Variants in SLC17A4 observed in about 807,000 individuals in gnomAD.
SLC17A4 encodes the protein solute carrier family 17 member 4.
Under a neutral mutation model 52.5 loss-of-function variants are expected in SLC17A4, and 33 were observed. The observed-to-expected ratio is 0.63, with a 90% confidence interval of 0.48 to 0.84. The LOEUF is 0.84. Ranked by LOEUF, SLC17A4 falls within the 40% of genes least tolerant of loss-of-function variation. The pLI, the probability that SLC17A4 is intolerant of heterozygous loss-of-function variation, is 0.00. For synonymous variants in SLC17A4, 225 were observed against 216.2 expected (o/e 1.04, Z -0.36); for missense variants, 585 against 597.1 (o/e 0.98, Z 0.21).
intron 5 of SLC17A4, 98 bp from the exon 6 acceptor site, chr6:25,770,828 T>G: frequency 1.1e-6 from 1 of 936,218 alleles, no homozygotes; most frequent in Non-Finnish European, 1.7e-6. Context: ...GGCTTGAAAC[T>G]CATACCTTCA....
At chr6:25,773,454 A>C in intron 7 of SLC17A4, 59 bp from the exon 8 acceptor site, 1 of 1,612,588 alleles carries the variant, frequency 6.2e-7, no homozygotes, top group Non-Finnish European at 8.5e-7. Flanking sequence ...AGAGATGAAG[A>C]ATGTGATAGA....
chr6:25,766,590 A>G (rs753062018), intron 2 of SLC17A4, among the ~76,000 whole-genome samples: 9 of 152,162 alleles, frequency 5.9e-5, no homozygotes, highest in Non-Finnish European at 2.9e-5. Context: ...ACCAAGATCA[A>G]CTCAACAGTA....
chr6:25,756,715 G>A (rs549639582), intron 1 of SLC17A4, among the ~76,000 whole-genome samples: 14 of 152,282 alleles, frequency 9.2e-5, no homozygotes, highest in African/African-American at 3.4e-4. Context: ...GCAATTTAAT[G>A]AGAACTAAGT....
At chr6:25,760,109 T>A (rs1761405464) in intron 1 of SLC17A4, among the ~76,000 whole-genome samples, 1 of 152,206 alleles carries the variant, frequency 6.6e-6, no homozygotes, top group Admixed American at 6.5e-5. Context: ...AGCTTGGTGA[T>A]CATAGTTTTT....
chr6:25,778,905 A>T (rs951254062), intron 11 of SLC17A4, 149 bp from the exon 12 acceptor site: 6 of 926,766 alleles, frequency 6.5e-6, no homozygotes, highest in Non-Finnish European at 1.0e-5. Context: ...GCAGAAATGT[A>T]CTTGAGTATT....
chr6:25,763,777 A>G (rs375219440), intron 2 of SLC17A4, among the ~76,000 whole-genome samples: 1 of 152,198 alleles, frequency 6.6e-6, no homozygotes, highest in Non-Finnish European at 1.5e-5. Context: ...TTTCTCTATC[A>G]GTGTCAGTTA....
intron 3 of SLC17A4, 81 bp from the exon 4 acceptor site, chr6:25,769,986 A>G (rs1425944759): frequency 8.4e-7 from 1 of 1,191,674 alleles, no homozygotes; most frequent in African/African-American, 1.5e-5. Context: ...ACTGCCAATT[A>G]ATTTTTGCCT....
Position 25,780,285 on chromosome 6 carries a change from G to A in SLC17A4, c.*1097G>A, listed in dbSNP as rs149693640. On this transcript the variant is annotated 3_prime_UTR_variant, in exon 12 of 12. Coordinates refer to ENST00000377905, the MANE Select transcript of SLC17A4 (RefSeq NM_005495.3). Reference sequence around the variant, plus strand: ...AGGAGTTCAGTGTCTCGGGAGGGCAGATAACTTTAATCAAAGTATCACACA... The same window carrying A: ...AGGAGTTCAGTGTCTCGGGAGGGCAAATAACTTTAATCAAAGTATCACACA... The A allele has an allele frequency of 6.6e-6, 1 of 152,230 alleles. No individual in the cohort carries two copies. Among genetic ancestry groups the A allele is most frequent in the African/African-American group, 2.4e-5 (1 of 41,466 alleles). 9.4% of individuals were successfully genotyped at this position (152,230 alleles called of 1,614,324 possible).
Position 25,780,000 on chromosome 6 carries a change from A to T in SLC17A4, c.*812A>T, listed in dbSNP as rs1763221893. The T allele has an allele frequency of 6.6e-6, 1 of 152,194 alleles. No individual in the cohort carries two copies. Among genetic ancestry groups the T allele is most frequent in the Non-Finnish European group, 1.5e-5 (1 of 68,032 alleles). 9.4% of individuals were successfully genotyped at this position (152,194 alleles called of 1,614,324 possible). A position where few individuals can be genotyped will look rare whatever the true frequency, so the allele number is the denominator to read the frequency against. Reference sequence around the variant, plus strand: ...TCTGACTGTTGGAATCCCACGCACCATTCAGTAGGATTCAATTCAATGTGG... The same window carrying T: ...TCTGACTGTTGGAATCCCACGCACCTTTCAGTAGGATTCAATTCAATGTGG... On this transcript the variant is annotated 3_prime_UTR_variant, in exon 12 of 12. Coordinates refer to ENST00000377905, the MANE Select transcript of SLC17A4 (RefSeq NM_005495.3).
At chr6:25,775,294 T>C (rs1762811183) in intron 8 of SLC17A4, among the ~76,000 whole-genome samples, 1 of 150,896 alleles carries the variant, frequency 6.6e-6, no homozygotes, top group African/African-American at 2.4e-5. Flanking sequence ...ATTATGACAT[T>C]GCACTCCAGC....
At position 25,780,547 on chromosome 6, in the gene SLC17A4, A is replaced by C. The variant is rs1763242976; in HGVS notation, c.*1359A>C. ...GGAGGGAGAAATTAGCTATGGCCAG[A>C]GTATAGAGAATAAGGGAAGTATGAT... is the stretch of plus-strand genomic sequence containing the variant. On this transcript the variant is annotated 3_prime_UTR_variant, in exon 12 of 12. Coordinates refer to ENST00000377905, the MANE Select transcript of SLC17A4 (RefSeq NM_005495.3). 1 of 152,252 alleles carries C rather than the reference A, an allele frequency of 6.6e-6. No individual in the cohort carries two copies. The highest frequency in any genetic ancestry group is 1.5e-5 in the Non-Finnish European group (1 of 68,074). 9.4% of individuals were successfully genotyped at this position (152,252 alleles called of 1,614,324 possible).
Position 25,777,948 on chromosome 6 carries a change from C to T in SLC17A4, c.1291C>T (p.Leu431=). The T allele has an allele frequency of 1.2e-6, 2 of 1,613,154 alleles. No homozygotes were observed. The highest frequency in any genetic ancestry group is 1.1e-5 in the South Asian group (1 of 91,058). The change falls in exon 11 of 12, where the codon CTA becomes TTA. Residue 431 remains leucine, a synonymous_variant. Transcript: ENST00000377905. ...APRYTGFLKG[L]LQVFAHIAGA... is the part of the protein sequence containing the mutation. ...CAGGTACACTGGCTTTCTCAAAGGA[C>T]TATTGCAAGTCTTTGCACACATAGC...
chr6:25,775,780 C>G (rs938658676), intron 8 of SLC17A4, among the ~76,000 whole-genome samples: 16 of 152,146 alleles, frequency 1.1e-4, no homozygotes, highest in African/African-American at 3.9e-4. Context: ...TGCAAGCATA[C>G]ATGAATGTGT....
At chr6:25,760,040 G>C (rs1486054211) in intron 1 of SLC17A4, among the ~76,000 whole-genome samples, 2 of 152,182 alleles carry the variant, frequency 1.3e-5, no homozygotes, top group Non-Finnish European at 2.9e-5. Flanking sequence ...AGCAATACAA[G>C]TGGGAGGATG....
intron 1 of SLC17A4, among the ~76,000 whole-genome samples, chr6:25,755,441 A>G (rs976498486): frequency 6.6e-6 from 1 of 152,224 alleles, no homozygotes; most frequent in Non-Finnish European, 1.5e-5. Context: ...ACCACCTAAG[A>G]TGACATTTGA....
intron 11 of SLC17A4, among the ~76,000 whole-genome samples, chr6:25,778,846 G>A (rs1763152952): frequency 6.6e-6 from 1 of 152,172 alleles, no homozygotes; most frequent in Non-Finnish European, 1.5e-5. Flanking sequence ...ATAGGTATCT[G>A]GAGGAGGAGC....
In SLC17A4 at chr6:25,776,843, C is replaced by G; in HGVS notation, c.1152C>G (p.Ser384=). The G allele has an allele frequency of 1.2e-6, 2 of 1,613,972 alleles. No individual in the cohort carries two copies. Among genetic ancestry groups the G allele is most frequent in the Non-Finnish European group, 8.5e-7 (1 of 1,179,914 alleles). ...GVLFPSVILV[S]LPWVRSSHSM... ...TCTTCCCATCCGTGATCCTCGTGTC[C>G]CTGCCCTGGGTCAGATCCAGCCACA... The change falls in exon 10 of 12, where the codon TCC becomes TCG. Residue 384 remains serine (S), a synonymous_variant. Coordinates refer to ENST00000377905, the MANE Select transcript of SLC17A4 (RefSeq NM_005495.3).
chr6:25,758,770 TTTTG>T (rs200923807), intron 1 of SLC17A4, among the ~76,000 whole-genome samples: 3,237 of 152,258 alleles, frequency 0.021, 67 homozygotes, highest in African/African-American at 0.057. Context: ...CTTTTGTATT[TTTTG>T]TTTGTTTGTT....
intron 1 of SLC17A4, among the ~76,000 whole-genome samples, chr6:25,755,148 T>C (rs1256020140): frequency 1.3e-5 from 2 of 151,826 alleles, no homozygotes; most frequent in African/African-American, 4.8e-5. Flanking sequence ...TTTTGTGAAG[T>C]ACATTAATTT....
Sources: allele counts gnomAD v4.1 joint callset (sites outside exome capture counted in the v4.1 genomes callset), GRCh38; gene constraint gnomAD v4.1.1; transcripts MANE v1.5; gene names NCBI Gene and HGNC (gene_info 2026-07-23, HGNC 2026-07-21).